Variants in KIRREL3 observed in about 807,000 individuals in gnomAD.
The protein encoded by KIRREL3 is kin of IRRE-like protein 3.
In KIRREL3, 36 loss-of-function variants were observed where a neutral mutation model predicts 89.7. That is an observed-to-expected ratio of 0.40 (90% CI 0.31 to 0.53). KIRREL3 has a LOEUF of 0.53. Among genes scored for constraint, KIRREL3 ranks in the 20% least tolerant of loss-of-function variants. KIRREL3 has a pLI of 0.49. For synonymous variants in KIRREL3, 445 were observed against 441.4 expected (o/e 1.01, Z -0.10); for missense variants, 864 against 1,056.6 (o/e 0.82, Z 2.53).
At chr11:127,002,725 T>C (rs547600259), upstream of KIRREL3, among the ~76,000 whole-genome samples, 1 of 152,296 alleles carries the variant, frequency 6.6e-6, no homozygotes, top group African/African-American at 2.4e-5. Context: ...TTTGACGTTT[T>C]AACTAAAGAT....
intron 1 of KIRREL3, among the ~76,000 whole-genome samples, chr11:126,962,888 C>A (rs1005804961): frequency 6.6e-6 from 1 of 152,212 alleles, no homozygotes; most frequent in Admixed American, 6.5e-5. Flanking sequence ...GATTATAACT[C>A]GTTAAAGGCT....
intron 1 of KIRREL3, among the ~76,000 whole-genome samples, chr11:126,681,246 G>A (rs543344843): frequency 6.6e-6 from 1 of 152,214 alleles, no homozygotes; most frequent in Non-Finnish European, 1.5e-5. Context: ...CAGAAGCCAT[G>A]TGTTTTTGTG....
Position 126,565,680 on chromosome 11 carries a change from T to C in KIRREL3, c.56-2768A>G, listed in dbSNP as rs1940465147. On this transcript the variant is annotated intron_variant, in intron 1 of 16. Transcript: ENST00000525144. This position sits in a 1 kb window ranked among gnomAD's most constrained non-coding sequence, Gnocchi z 5.4. ...ATTGTCCATATATGAAAATTTGGGA[T>C]GTCCTTTGGAGAGATTTGCAAAGCT... Among the ~76,000 whole-genome samples, 1 of 152,120 alleles carries C rather than the reference T, an allele frequency of 6.6e-6. No homozygotes were observed. Among genetic ancestry groups the C allele is most frequent in the Non-Finnish European group, 1.5e-5 (1 of 68,026 alleles).
intron 1 of KIRREL3, among the ~76,000 whole-genome samples, chr11:126,582,510 T>TA (rs1941604940): frequency 1.3e-5 from 2 of 152,194 alleles, no homozygotes; most frequent in Admixed American, 6.5e-5. Flanking sequence ...AAGCAAGGAT[T>TA]TCGGCAGATG....
chr11:127,002,080 A>T (rs2135313102), upstream of KIRREL3, among the ~76,000 whole-genome samples: 1 of 152,304 alleles, frequency 6.6e-6, no homozygotes, highest in Admixed American at 6.5e-5. Flanking sequence ...GCTCACTACA[A>T]GGCACATTCC....
chr11:126,454,329 C>T lies in KIRREL3; in HGVS notation c.848+2020G>A, dbSNP rs1385004819. Among the ~76,000 whole-genome samples the T allele has an allele frequency of 6.6e-6, 1 of 152,120 alleles. No homozygotes were observed. The highest frequency in any genetic ancestry group is 1.5e-5 in the Non-Finnish European group (1 of 68,026). ...GGGTCAGGTCCCAGGGCGTGCAGCC[C>T]TGCTGTCTGCCCAGCCTACCCATCA... On this transcript the variant is annotated intron_variant, in intron 7 of 16. Coordinates refer to ENST00000525144, the MANE Select transcript of KIRREL3 (RefSeq NM_032531.4). The surrounding 1 kb of genome is among the most constrained non-coding windows in gnomAD (Gnocchi z 5.8).
chr11:126,920,671 T>C (rs904444759), intron 1 of KIRREL3: 11 of 152,390 alleles, frequency 7.2e-5, no homozygotes, highest in African/African-American at 2.4e-4. Context: ...ACTTCCTCTT[T>C]GGTCTCTCTA....
Position 126,734,500 on chromosome 11 carries a change from C to T in KIRREL3, c.56-171588G>A, listed in dbSNP as rs538922816. On this transcript the variant is annotated intron_variant, in intron 1 of 16. Coordinates refer to ENST00000525144, the MANE Select transcript of KIRREL3 (RefSeq NM_032531.4). The surrounding 1 kb of genome is among the most constrained non-coding windows in gnomAD (Gnocchi z 5.9). Reference sequence around the variant, plus strand: ...CCAACATGGAGAAACCCTGTCTCTACGAAAAATACAAAATCAGCTGGGCAT... The same window carrying T: ...CCAACATGGAGAAACCCTGTCTCTATGAAAAATACAAAATCAGCTGGGCAT... Among the ~76,000 whole-genome samples the T allele has an allele frequency of 2.0e-4, 31 of 152,052 alleles. No homozygotes were observed. Among genetic ancestry groups the T allele is most frequent in the South Asian group, 1.2e-3 (6 of 4,814 alleles).
At chr11:126,733,551 T>C (rs931260536) in intron 1 of KIRREL3, among the ~76,000 whole-genome samples, 2 of 151,984 alleles carry the variant, frequency 1.3e-5, no homozygotes, top group African/African-American at 2.4e-5. Context: ...CCATTATACT[T>C]CCATAATCAT....
chr11:126,598,483 A>C (rs1442527643), intron 1 of KIRREL3, among the ~76,000 whole-genome samples: 1 of 152,128 alleles, frequency 6.6e-6, no homozygotes, highest in Admixed American at 6.5e-5. Context: ...TTCACCTGGG[A>C]GGTGCACCTC....
intron 1 of KIRREL3, among the ~76,000 whole-genome samples, chr11:126,572,026 C>G (rs750673738): frequency 6.6e-6 from 1 of 152,184 alleles, no homozygotes; most frequent in Non-Finnish European, 1.5e-5. Flanking sequence ...AGTTGGAAGT[C>G]GTGACTAGTG....
rs1949083961 is a variant in KIRREL3 at position 126,744,603 on chromosome 11, A to G, written c.56-181691T>C. ...CAATACAGAACAGACAGAGCCACTA[A>G]ATGGGGCTGAGGAAAAGCACTCAGA... On this transcript the variant is annotated intron_variant, in intron 1 of 16. Transcript: ENST00000525144. The surrounding 1 kb of genome is among the most constrained non-coding windows in gnomAD (Gnocchi z 4.7). Among the ~76,000 whole-genome samples the G allele has an allele frequency of 6.6e-6, 1 of 152,212 alleles. No homozygotes were observed. The highest frequency in any genetic ancestry group is 1.9e-4 in the East Asian group (1 of 5,196).
At chr11:126,885,739 C>T (rs2134737854) in intron 1 of KIRREL3, among the ~76,000 whole-genome samples, 1 of 152,308 alleles carries the variant, frequency 6.6e-6, no homozygotes, top group East Asian at 1.9e-4. Flanking sequence ...GGGCAGCAGG[C>T]TGGCTCCCGA....
At chr11:126,895,683 T>C (rs942789420) in intron 1 of KIRREL3, among the ~76,000 whole-genome samples, 4 of 152,098 alleles carry the variant, frequency 2.6e-5, no homozygotes, top group African/African-American at 9.7e-5. Context: ...TTACTACTGT[T>C]CTGGTTACTG....
Position 126,748,013 on chromosome 11 carries a change from T to C in KIRREL3, c.56-185101A>G, listed in dbSNP as rs1482557196. On this transcript the variant is annotated intron_variant, in intron 1 of 16. Coordinates refer to ENST00000525144, the MANE Select transcript of KIRREL3 (RefSeq NM_032531.4). The surrounding 1 kb of genome is among the most constrained non-coding windows in gnomAD (Gnocchi z 4.6). ...CCCGTGCCTAGCATCGTGGCCCCTG[T>C]AAAGGGCTCTTCCATTAATAATTGC... 6.6e-6 allele frequency among the ~76,000 whole-genome samples: 1 copy of C among 152,174 alleles called. No individual in the cohort carries two copies. The highest frequency in any genetic ancestry group is 1.5e-5 in the Non-Finnish European group (1 of 68,020).
intron 1 of KIRREL3, among the ~76,000 whole-genome samples, chr11:126,590,090 A>T (rs1942063994): frequency 6.6e-6 from 1 of 152,164 alleles, no homozygotes. Flanking sequence ...TCAAATGTAA[A>T]CCCAGGAACC....
At position 126,568,720 on chromosome 11, in the gene KIRREL3, T is replaced by C. The variant is rs1020547458; in HGVS notation, c.56-5808A>G. Among the ~76,000 whole-genome samples, 1 of 152,190 alleles carries C rather than the reference T, an allele frequency of 6.6e-6. No homozygotes were observed. The highest frequency in any genetic ancestry group is 2.4e-5 in the African/African-American group (1 of 41,454). On this transcript the variant is annotated intron_variant, in intron 1 of 16. Transcript: ENST00000525144. This position sits in a 1 kb window ranked among gnomAD's most constrained non-coding sequence, Gnocchi z 4.6. ...TTCTAACGGTAAGACCCTCCTCACA[T>C]GATTCATATGAAAAGCAAATGAGCC... is the stretch of plus-strand genomic sequence containing the variant.
intron 1 of KIRREL3, among the ~76,000 whole-genome samples, chr11:126,856,621 T>A (rs113519538): frequency 6.3e-5 from 9 of 143,542 alleles, no homozygotes; most frequent in South Asian, 4.5e-4. Context: ...AGACATATAT[T>A]TTTTTTTTCT....
chr11:126,972,168 T>G (rs1253710352), intron 1 of KIRREL3, among the ~76,000 whole-genome samples: 162 of 119,892 alleles, frequency 1.4e-3, no homozygotes, highest in Middle Eastern at 5.3e-3. Context: ...GAGGGTCTGG[T>G]AGAGAGAGAG....
Sources: allele counts gnomAD v4.1 joint callset (sites outside exome capture counted in the v4.1 genomes callset), GRCh38; gene constraint gnomAD v4.1.1; non-coding constraint Gnocchi (gnomAD v3.1); transcripts MANE v1.5; gene names NCBI Gene and HGNC (gene_info 2026-07-23, HGNC 2026-07-21).